Variants in DOCK10 observed in about 807,000 individuals in gnomAD.
DOCK10 encodes the protein dedicator of cytokinesis 10, also known as dedicator of cytokinesis protein 10.
A neutral mutation model predicts 280.1 loss-of-function variants in DOCK10; 145 were observed. The observed-to-expected ratio is 0.52, with a 90% CI of 0.45 to 0.59. The LOEUF (loss-of-function observed/expected upper bound fraction) is 0.59. Ranked by LOEUF, DOCK10 falls within the 20% of genes least tolerant of loss-of-function variation. The pLI, the probability that DOCK10 is intolerant of heterozygous loss-of-function variation, is 0.00. For synonymous variants in DOCK10, 915 were observed against 942.2 expected (o/e 0.97, Z 0.53); for missense variants, 2,368 against 2,651.7 (o/e 0.89, Z 2.35).
chr2:224,818,592 G>T (rs1694305720), intron 29 of DOCK10, among the ~76,000 whole-genome samples: 1 of 151,924 alleles, frequency 6.6e-6, no homozygotes, highest in Non-Finnish European at 1.5e-5. Flanking sequence ...TAGAGACAGG[G>T]TTTCACCGTG....
At chr2:224,842,115 C>T (rs1159386546) in intron 22 of DOCK10, among the ~76,000 whole-genome samples, 1 of 152,178 alleles carries the variant, frequency 6.6e-6, no homozygotes, top group African/African-American at 2.4e-5. Context: ...CTATTTCATT[C>T]TAAGAGGTTT....
intron 1 of DOCK10, among the ~76,000 whole-genome samples, chr2:224,997,561 T>C (rs978376248): frequency 2.0e-4 from 31 of 152,082 alleles, no homozygotes; most frequent in Non-Finnish European, 1.9e-4. Flanking sequence ...CAGCACCATT[T>C]TCCCTGAGAC....
chr2:225,038,021 C>T (rs1406620742), intron 1 of DOCK10, among the ~76,000 whole-genome samples: 1 of 152,166 alleles, frequency 6.6e-6, no homozygotes, highest in African/African-American at 2.4e-5. Flanking sequence ...GAAAACATAA[C>T]CGTGTGATTT....
rs2124952120 is a variant in DOCK10, at chr2:224,770,971, T to C, written c.6205-326A>G. Among the ~76,000 whole-genome samples the C allele has an allele frequency of 6.6e-6, 1 of 152,208 alleles. No individual in the cohort carries two copies. The highest frequency in any genetic ancestry group is 1.5e-5 in the Non-Finnish European group (1 of 68,002). ...TTCTTTGTTAGAGACAGGGTCTCAC[T>C]CTGTTGCCCAGGCTAGAGTGCAGTG... On this transcript the variant is annotated intron_variant, in intron 53 of 55. Coordinates refer to ENST00000258390, the MANE Select transcript of DOCK10 (RefSeq NM_014689.3). This position sits in a 1 kb window ranked among gnomAD's most constrained non-coding sequence, Gnocchi z 4.5.
At chr2:224,919,747 G>C (rs2125963994) in intron 2 of DOCK10, among the ~76,000 whole-genome samples, 1 of 152,158 alleles carries the variant, frequency 6.6e-6, no homozygotes, top group South Asian at 2.1e-4. Flanking sequence ...GAAGCACGGG[G>C]TTTGTATCCT....
intron 1 of DOCK10, among the ~76,000 whole-genome samples, chr2:224,992,859 T>C (rs887239938): frequency 6.6e-6 from 1 of 152,360 alleles, no homozygotes; most frequent in East Asian, 1.9e-4. Context: ...GGTCTAGGAT[T>C]CTATAGCTTT....
At position 224,770,373 on chromosome 2, in the gene DOCK10, T is replaced by C; in HGVS notation, c.6306-24A>G. On this transcript the variant is annotated intron_variant, in intron 54 of 55. Coordinates refer to ENST00000258390, the MANE Select transcript of DOCK10 (RefSeq NM_014689.3). This position sits in a 1 kb window ranked among gnomAD's most constrained non-coding sequence, Gnocchi z 4.5. ...GCCTTTAGCGACAGCATTAAACAAA[T>C]TAAAAACCAGCCCTCGGAAGTGGCA... 6.3e-7 allele frequency: 1 copy of C among 1,576,540 alleles called. No homozygotes were observed. The highest frequency in any genetic ancestry group is 8.6e-7 in the Non-Finnish European group (1 of 1,160,838).
At chr2:224,840,705 G>T (rs955092941) in intron 23 of DOCK10, among the ~76,000 whole-genome samples, 2 of 152,008 alleles carry the variant, frequency 1.3e-5, no homozygotes, top group Admixed American at 1.3e-4. Flanking sequence ...CAATATGAAG[G>T]TTCCTCAAAA....
chr2:224,841,498 A>G, intron 23 of DOCK10, among the ~76,000 whole-genome samples: 1 of 152,154 alleles, frequency 6.6e-6, no homozygotes, highest in Admixed American at 6.5e-5. Context: ...TGCAATTAGT[A>G]TGGAATATAG....
chr2:224,844,945 A>G, intron 21 of DOCK10, 106 bp from the exon 22 acceptor site: 1 of 894,030 alleles, frequency 1.1e-6, no homozygotes, highest in South Asian at 1.5e-5. Context: ...TTAATCTTAT[A>G]TCAGCTACAG....
chr2:225,014,418 C>T (rs1377338533), intron 1 of DOCK10, among the ~76,000 whole-genome samples: 1 of 151,824 alleles, frequency 6.6e-6, no homozygotes, highest in African/African-American at 2.4e-5. Context: ...ATAAAAGGTG[C>T]TATAATATAC....
At chr2:225,022,892 T>C (rs1189835627) in intron 1 of DOCK10, among the ~76,000 whole-genome samples, 1 of 152,220 alleles carries the variant, frequency 6.6e-6, no homozygotes, top group Admixed American at 6.5e-5. Flanking sequence ...GAACTTTGTA[T>C]GGGACATTTA....
intron 1 of DOCK10, among the ~76,000 whole-genome samples, chr2:225,012,294 C>T (rs1305238781): frequency 6.6e-6 from 1 of 152,178 alleles, no homozygotes; most frequent in Non-Finnish European, 1.5e-5. Context: ...GCTCCTTTCA[C>T]ACGAACCAAA....
intron 1 of DOCK10, among the ~76,000 whole-genome samples, chr2:224,932,023 TATG>T (rs1474407218): frequency 6.6e-6 from 1 of 152,234 alleles, no homozygotes; most frequent in Non-Finnish European, 1.5e-5. Context: ...GCTACGGTAT[TATG>T]ATGATTATCA....
intron 51 of DOCK10, among the ~76,000 whole-genome samples, chr2:224,777,292 T>C (rs1288842615): frequency 6.6e-6 from 1 of 152,218 alleles, no homozygotes; most frequent in African/African-American, 2.4e-5. Context: ...TGCAAAGTAT[T>C]GTTCCTGGGT....
At chr2:224,862,558 G>A in intron 14 of DOCK10, 106 bp downstream of exon 14, 1 of 842,050 alleles carries the variant, frequency 1.2e-6, no homozygotes, top group South Asian at 1.5e-5. Flanking sequence ...TTTTCTAGGT[G>A]TAGACACATT....
intron 18 of DOCK10, among the ~76,000 whole-genome samples, chr2:224,851,364 AT>A (rs1016802484): frequency 2.7e-5 from 4 of 148,510 alleles, no homozygotes; most frequent in Non-Finnish European, 5.9e-5. Flanking sequence ...TGACAATTAT[AT>A]TTCACTTGAA....
rs768605465 is a variant in DOCK10, at chr2:224,874,126, A to C, written c.1127T>G (p.Leu376Arg). The stretch of plus-strand genomic sequence containing the variant: ...TTTGATCACAGACTCAGGTTCCAAG[A>C]GATCTTTTTTTTGAAGTTTCAAGGT... ...IDTLKLQKKD[L>R]LEPESVIKPF... Residue 376 changes from leucine to arginine, a missense_variant, in exon 11 of 56, where the codon CTC (leucine) becomes CGC (arginine). Leu to Arg is a moderately radical substitution (Grantham distance 102). Around this residue, in one of 2 missense-constraint regions of DOCK10, gnomAD observed 1,209 missense variants for 1,250.9 expected, o/e 0.97. Coordinates refer to ENST00000258390, the MANE Select transcript of DOCK10 (RefSeq NM_014689.3). 5.6e-6 allele frequency: 9 copies of C among 1,599,864 alleles called. No individual in the cohort carries two copies. The Admixed American group carries it at 1.2e-4, about 22-fold the overall frequency.
chr2:224,961,465 T>TCTTTCTTTCTTTCTTTCTTTCTTA (rs1704434657), intron 1 of DOCK10, among the ~76,000 whole-genome samples: 1 of 128,274 alleles, frequency 7.8e-6, no homozygotes, highest in East Asian at 2.4e-4. Context: ...TTTCTTTCTT[T>TCTTTCTTTCTTTCTTTCTTTCTTA]CTTTTTCTTT....
Sources: gnomAD v4.1 joint callset for allele counts (sites outside exome capture counted in the v4.1 genomes callset) on GRCh38, gnomAD v4.1.1 for gene constraint, gnomAD v4.1.1 regional missense constraint, Gnocchi (gnomAD v3.1) non-coding constraint, MANE v1.5 for transcripts, NCBI Gene and HGNC (gene_info 2026-07-23, HGNC 2026-07-21) for gene names.